The following ADCY2 variants were observed in gnomAD, a reference collection of about 807,000 sequenced individuals.
The protein encoded by ADCY2 is adenylate cyclase 2.
In ADCY2, 31 loss-of-function variants were observed where a neutral mutation model predicts 125.2. That is an observed-to-expected ratio of 0.25 (90% CI 0.19 to 0.33). ADCY2 has a LOEUF of 0.33. Ranked by LOEUF, ADCY2 falls within the 10% of genes least tolerant of loss-of-function variation. The pLI, the probability that ADCY2 is intolerant of heterozygous loss-of-function variation, is 1.00. For missense variants in ADCY2, 904 were observed against 1,418.2 expected, an observed-to-expected ratio of 0.64 and a Z score of 5.82; for synonymous variants, 512 against 548.4, an observed-to-expected ratio of 0.93 and a Z score of 0.93.
chr5:7,542,007 C>T (rs1228405590), intron 3 of ADCY2, among the ~76,000 whole-genome samples: 4 of 152,048 alleles, frequency 2.6e-5, no homozygotes, highest in Non-Finnish European at 5.9e-5. Context: ...TTTACTTTTC[C>T]AAGCACTTTA....
At chr5:7,626,938 C>A (rs1353255748) in intron 4 of ADCY2, among the ~76,000 whole-genome samples, 2 of 152,192 alleles carry the variant, frequency 1.3e-5, no homozygotes, top group Admixed American at 1.3e-4. Flanking sequence ...AGCCTTCAGA[C>A]CAAGGGACCC....
chr5:7,555,008 A>G (rs1386585064), intron 3 of ADCY2, among the ~76,000 whole-genome samples: 1 of 152,204 alleles, frequency 6.6e-6, no homozygotes, highest in African/African-American at 2.4e-5. Context: ...TGGCAGTTTC[A>G]TAAGCAGTTC....
chr5:7,674,931 G>A (rs963706274), intron 4 of ADCY2, among the ~76,000 whole-genome samples: 1 of 152,048 alleles, frequency 6.6e-6, no homozygotes, highest in Non-Finnish European at 1.5e-5. Flanking sequence ...CGAGGCGGGC[G>A]GATCACGAGG....
In ADCY2 at chr5:7,706,790, G is replaced by T; in HGVS notation, c.1156G>T (p.Val386Leu). 1 of 1,614,212 alleles carries T rather than the reference G, an allele frequency of 6.2e-7. No homozygotes were observed. Among genetic ancestry groups the T allele is most frequent in the Non-Finnish European group, 8.5e-7 (1 of 1,180,048 alleles). Residue 386 changes from valine to leucine, a missense_variant, in exon 8 of 25, where the codon GTG becomes TTG. Transcript: ENST00000338316. ...TGVDINMRVG[V>L]HSGNVLCGVI... Reference sequence around the variant, plus strand: ...AGTTGATATCAACATGCGCGTGGGCGTGCATTCTGGGAATGTCCTGTGTGG... The same window carrying T: ...AGTTGATATCAACATGCGCGTGGGCTTGCATTCTGGGAATGTCCTGTGTGG...
At position 7,743,714 on chromosome 5, in the gene ADCY2, G is replaced by A; in HGVS notation, c.1918G>A (p.Ala640Thr). 6.2e-7 allele frequency: 1 copy of A among 1,614,088 alleles called. No homozygotes were observed. The highest frequency in any genetic ancestry group is 8.5e-7 in the Non-Finnish European group (1 of 1,180,002). ...ISFGAAFLLL[A>T]FILFVCFAGQ... is the part of the protein sequence containing the mutation. ...CTTTGGGGCTGCGTTTCTCTTGCTG[G>A]CCTTCATCCTCTTCGTCTGCTTTGC... The change falls in exon 15 of 25, where the codon GCC becomes ACC. Residue 640 changes from alanine to threonine, a missense_variant. By Grantham distance (58) the Ala-to-Thr change is moderately conservative. This residue lies in a region of ADCY2 where 221 missense variants were observed against 246.2 expected (regional missense o/e 0.90). Coordinates refer to ENST00000338316, the MANE Select transcript of ADCY2 (RefSeq NM_020546.3).
chr5:7,547,322 A>G (rs997264636), intron 3 of ADCY2, among the ~76,000 whole-genome samples: 2 of 152,238 alleles, frequency 1.3e-5, no homozygotes, highest in Admixed American at 1.3e-4. Context: ...TTGGATAATT[A>G]CAGTAGTCCC....
chr5:7,693,307 T>C (rs1034136821), intron 5 of ADCY2, among the ~76,000 whole-genome samples: 5 of 152,198 alleles, frequency 3.3e-5, no homozygotes, highest in Non-Finnish European at 7.4e-5. Context: ...ATGGTCAGGC[T>C]CTAGGTGGGG....
At chr5:7,582,261 C>A (rs79749485) in intron 3 of ADCY2, among the ~76,000 whole-genome samples, 1 of 152,030 alleles carries the variant, frequency 6.6e-6, no homozygotes, top group East Asian at 1.9e-4. Context: ...CATAAGGATC[C>A]ACAAATAGAT....
intron 3 of ADCY2, among the ~76,000 whole-genome samples, chr5:7,536,153 C>T (rs2126553282): frequency 6.6e-6 from 1 of 152,314 alleles, no homozygotes. Context: ...TGATTTAGTA[C>T]AAAGGAGTTT....
At chr5:7,805,181 G>A (rs899500520) in intron 22 of ADCY2, among the ~76,000 whole-genome samples, 2 of 151,638 alleles carry the variant, frequency 1.3e-5, no homozygotes, top group Non-Finnish European at 2.9e-5. Context: ...AAATAGCCAG[G>A]TGTGGTAGCA....
chr5:7,435,380 T>A (rs756996671), intron 2 of ADCY2, among the ~76,000 whole-genome samples: 16 of 152,212 alleles, frequency 1.1e-4, no homozygotes, highest in Non-Finnish European at 2.4e-4. Flanking sequence ...TCTTCACTCA[T>A]GACTTAACAC....
chr5:7,419,069 T>C (rs150651603), intron 2 of ADCY2, among the ~76,000 whole-genome samples: 18 of 152,336 alleles, frequency 1.2e-4, no homozygotes, highest in African/African-American at 4.1e-4. Flanking sequence ...CAGGCTGCTT[T>C]CAGTATCCTT....
At chr5:7,547,880 C>T (rs1006149438) in intron 3 of ADCY2, among the ~76,000 whole-genome samples, 5 of 152,248 alleles carry the variant, frequency 3.3e-5, no homozygotes, top group African/African-American at 9.6e-5. Context: ...CAGCTCACTG[C>T]TTTCCACTGG....
chr5:7,437,407 G>A (rs993103976), intron 2 of ADCY2, among the ~76,000 whole-genome samples: 1 of 152,220 alleles, frequency 6.6e-6, no homozygotes, highest in Non-Finnish European at 1.5e-5. Flanking sequence ...GCTGTGAGGA[G>A]TTCGGAGTGG....
intron 19 of ADCY2, among the ~76,000 whole-genome samples, chr5:7,786,336 C>A (rs1744081450): frequency 6.6e-6 from 1 of 152,158 alleles, no homozygotes; most frequent in Non-Finnish European, 1.5e-5. Flanking sequence ...AGGTATATCA[C>A]AAAACACTCC....
chr5:7,747,627 T>A (rs1742670449), intron 15 of ADCY2, among the ~76,000 whole-genome samples: 1 of 152,176 alleles, frequency 6.6e-6, no homozygotes, highest in Admixed American at 6.5e-5. Context: ...CATGATTCCT[T>A]GACTCTGACG....
At chr5:7,705,171 A>G (rs539161151) in intron 7 of ADCY2, among the ~76,000 whole-genome samples, 1 of 152,344 alleles carries the variant, frequency 6.6e-6, no homozygotes, top group East Asian at 1.9e-4. Context: ...TTTCAGAATC[A>G]TCATTGCTCA....
chr5:7,625,982 G>C (rs193221709), intron 3 of ADCY2, among the ~76,000 whole-genome samples, 185 bp from the exon 4 acceptor site: 1 of 152,318 alleles, frequency 6.6e-6, no homozygotes, highest in Admixed American at 6.5e-5. Context: ...CCAAGAAAAG[G>C]GCAGAACTCT....
intron 4 of ADCY2, among the ~76,000 whole-genome samples, chr5:7,643,243 A>G (rs916225957): frequency 6.6e-6 from 1 of 152,036 alleles, no homozygotes; most frequent in African/African-American, 2.4e-5. Context: ...TTTATAGGTT[A>G]GCATGCTGTA....
Sources: gnomAD v4.1 joint callset for allele counts (sites outside exome capture counted in the v4.1 genomes callset) on GRCh38, gnomAD v4.1.1 for gene constraint, gnomAD v4.1.1 regional missense constraint, MANE v1.5 for transcripts, NCBI Gene and HGNC (gene_info 2026-07-23, HGNC 2026-07-21) for gene names.